The following MIR2052HG variants were observed in gnomAD, a reference collection of about 807,000 sequenced individuals.
MIR2052HG encodes MIR2052 host gene.
At chr8:74,603,275 A>T in intron 1 of MIR2052HG, 1 of 1,535,286 alleles carries the variant, frequency 6.5e-7, no homozygotes, top group South Asian at 1.1e-5. Flanking sequence ...ATTGTGGATA[A>T]ATCTGCATTG....
chr8:74,673,910 T>TATATATATAC (rs1485340799), intron 2 of MIR2052HG, among the ~76,000 whole-genome samples: 17 of 133,238 alleles, frequency 1.3e-4, no homozygotes, highest in African/African-American at 5.4e-4. Context: ...TATATATATA[T>TATATATATAC]ACACACACAA....
At chr8:74,631,360 G>A (rs1291703462) in intron 2 of MIR2052HG, among the ~76,000 whole-genome samples, 1 of 152,154 alleles carries the variant, frequency 6.6e-6, no homozygotes, top group Non-Finnish European at 1.5e-5. Context: ...AGAATAAATA[G>A]AAAACAATGT....
chr8:74,743,601 C>T (rs984587513), intron 4 of MIR2052HG, among the ~76,000 whole-genome samples: 5 of 152,164 alleles, frequency 3.3e-5, no homozygotes, highest in African/African-American at 9.6e-5. Context: ...AAAATGTAAA[C>T]AAACTTACGA....
At chr8:74,719,172 T>G (rs966478479) in intron 4 of MIR2052HG, among the ~76,000 whole-genome samples, 1 of 151,978 alleles carries the variant, frequency 6.6e-6, no homozygotes, top group Non-Finnish European at 1.5e-5. Context: ...ATCCTGGAAT[T>G]TTGAGTGCTG....
chr8:74,650,497 T>G (rs1377692073), intron 2 of MIR2052HG, among the ~76,000 whole-genome samples: 1 of 152,210 alleles, frequency 6.6e-6, no homozygotes, highest in Non-Finnish European at 1.5e-5. Flanking sequence ...ATAATGCTGC[T>G]ATGGCCATTC....
chr8:74,600,082 C>T (rs1426308227), intron 1 of MIR2052HG, among the ~76,000 whole-genome samples: 5 of 152,174 alleles, frequency 3.3e-5, no homozygotes, highest in Non-Finnish European at 5.9e-5. Context: ...CGCCGTGCTT[C>T]GGCTGGTGCA....
At chr8:74,743,052 A>C (rs1049197743) in intron 4 of MIR2052HG, among the ~76,000 whole-genome samples, 6 of 152,114 alleles carry the variant, frequency 3.9e-5, no homozygotes, top group African/African-American at 1.4e-4. Context: ...AGGAAAGCCT[A>C]TAGAATGTCA....
In MIR2052HG at chr8:74,703,086, A is replaced by G. The variant is rs142456527; in HGVS notation, n.295-520A>G. 2.3e-4 allele frequency among the ~76,000 whole-genome samples: 35 copies of G among 152,180 alleles called. 1 individual carries two copies. The highest frequency in any genetic ancestry group is 1.2e-3 in the Admixed American group (18 of 15,248). ...AAGATCCTAGAGTAGCAGAAGTCAC[A>G]TAAGAATATTCAACAATCAGAAAAA... is the stretch of plus-strand genomic sequence containing the variant. On this transcript the variant is annotated intron_variant and non_coding_transcript_variant, in intron 3 of 6. Coordinates refer to ENST00000523442, the Ensembl canonical transcript of MIR2052HG.
chr8:74,701,689 C>T (rs1023349378), intron 2 of MIR2052HG, among the ~76,000 whole-genome samples: 1 of 152,096 alleles, frequency 6.6e-6, no homozygotes, highest in Admixed American at 6.6e-5. Flanking sequence ...CTGTGAACTA[C>T]TAATAGTCTA....
chr8:74,689,387 G>T (rs559455986), intron 2 of MIR2052HG, among the ~76,000 whole-genome samples: 1 of 152,312 alleles, frequency 6.6e-6, no homozygotes, highest in Admixed American at 6.5e-5. Flanking sequence ...CATTTGGTAT[G>T]ATTGTGAAAC....
At chr8:74,631,546 C>T (rs751586171) in intron 2 of MIR2052HG, among the ~76,000 whole-genome samples, 6 of 152,054 alleles carry the variant, frequency 3.9e-5, no homozygotes, top group Non-Finnish European at 8.8e-5. Flanking sequence ...ATTACCTAAT[C>T]ATATATTTAC....
chr8:74,640,619 T>C (rs1408506602), intron 2 of MIR2052HG, among the ~76,000 whole-genome samples: 1 of 152,156 alleles, frequency 6.6e-6, no homozygotes, highest in African/African-American at 2.4e-5. Context: ...CCACTTGCTC[T>C]TTATGTTCTT....
chr8:74,724,994 C>G (rs958974341), intron 4 of MIR2052HG, among the ~76,000 whole-genome samples: 2 of 152,132 alleles, frequency 1.3e-5, no homozygotes, highest in Admixed American at 1.3e-4. Flanking sequence ...AGAATACTAC[C>G]TAGATCATGA....
chr8:74,667,788 A>G (rs780418197), intron 2 of MIR2052HG, among the ~76,000 whole-genome samples: 1 of 152,098 alleles, frequency 6.6e-6, no homozygotes, highest in Non-Finnish European at 1.5e-5. Flanking sequence ...GCTCAGGAGA[A>G]CCACCCCTTG....
intron 2 of MIR2052HG, among the ~76,000 whole-genome samples, chr8:74,637,938 A>G (rs1013763041): frequency 6.6e-6 from 1 of 152,184 alleles, no homozygotes. Context: ...CTAGGGATAT[A>G]GTTTTGAACC....
chr8:74,744,641 C>T (rs1809865341), intron 4 of MIR2052HG, among the ~76,000 whole-genome samples: 1 of 152,072 alleles, frequency 6.6e-6, no homozygotes, highest in African/African-American at 2.4e-5. Context: ...CATGTCCCTA[C>T]AAAGGACATG....
chr8:74,603,378 G>T (rs1379992274), intron 1 of MIR2052HG: 1 of 1,610,920 alleles, frequency 6.2e-7, no homozygotes, highest in Non-Finnish European at 8.5e-7. Flanking sequence ...ATCCAGTGAT[G>T]GTAACCTGCC....
At chr8:74,609,188 G>A (rs1037006266) in intron 1 of MIR2052HG, among the ~76,000 whole-genome samples, 2 of 151,850 alleles carry the variant, frequency 1.3e-5, no homozygotes, top group Admixed American at 1.3e-4. Flanking sequence ...GAATAAATTT[G>A]ACTACTTACA....
intron 5 of MIR2052HG, chr8:74,752,654 A>T (rs1809959962): frequency 5.9e-6 from 2 of 340,102 alleles, no homozygotes; most frequent in South Asian, 4.4e-5. Context: ...ATTTTTAAAG[A>T]TGTGAGTCTT....
Sources: gnomAD v4.1 joint callset for allele counts (sites outside exome capture counted in the v4.1 genomes callset) on GRCh38, gnomAD v4.1.1 for gene constraint, MANE v1.5 for transcripts, NCBI Gene and HGNC (gene_info 2026-07-23, HGNC 2026-07-21) for gene names.